The following FOCAD variants were observed in gnomAD, a reference collection of about 807,000 sequenced individuals.
FOCAD encodes KIAA1797.
In FOCAD, 198 loss-of-function variants were observed where a neutral mutation model predicts 225.6. That is an observed-to-expected ratio of 0.88 (90% CI 0.78 to 0.99). The LOEUF is 0.99. Ranked by LOEUF, FOCAD falls within the 50% of genes least tolerant of loss-of-function variation. FOCAD has a pLI of 0.00. For synonymous variants in FOCAD, 897 were observed against 755.0 expected (o/e 1.19, Z -3.08); for missense variants, 2,713 against 2,123.6 (o/e 1.28, Z -5.46).
intron 4 of FOCAD, among the ~76,000 whole-genome samples, chr9:20,731,704 C>G (rs7028481): frequency 0.69 from 104,199 of 151,894 alleles, 36,157 homozygotes; most frequent in Non-Finnish European, 0.74. Flanking sequence ...CACAACCTCT[C>G]CCTCCCGGGT....
intron 15 of FOCAD, among the ~76,000 whole-genome samples, chr9:20,839,942 G>A (rs1826352199): frequency 6.6e-6 from 1 of 151,966 alleles, no homozygotes; most frequent in Non-Finnish European, 1.5e-5. Flanking sequence ...TATGTTCTTG[G>A]CATCTTTGTC....
intron 24 of FOCAD, among the ~76,000 whole-genome samples, chr9:20,920,719 A>G (rs546891921): frequency 8.3e-4 from 127 of 152,122 alleles, no homozygotes; most frequent in African/African-American, 2.9e-3. Flanking sequence ...AAGGTCAAAA[A>G]ACTGAACACC....
At chr9:20,777,611 G>A (rs532882855) in intron 8 of FOCAD, among the ~76,000 whole-genome samples, 59 of 151,902 alleles carry the variant, frequency 3.9e-4, no homozygotes, top group African/African-American at 1.3e-3. Context: ...ACGGTAATTC[G>A]AAAATAATCT....
chr9:20,957,940 C>T (rs1273855054), intron 35 of FOCAD, among the ~76,000 whole-genome samples: 1 of 151,950 alleles, frequency 6.6e-6, no homozygotes, highest in African/African-American at 2.4e-5. Flanking sequence ...CCTCGTTGCC[C>T]TTCAAAAAGC....
At chr9:20,809,396 G>A (rs991549786) in intron 11 of FOCAD, among the ~76,000 whole-genome samples, 2 of 151,956 alleles carry the variant, frequency 1.3e-5, no homozygotes, top group East Asian at 1.9e-4. Context: ...AGTTTTAATC[G>A]TATTTAATTT....
At chr9:20,680,500 A>G (rs565177268), upstream of FOCAD, among the ~76,000 whole-genome samples, 2 of 152,144 alleles carry the variant, frequency 1.3e-5, no homozygotes, top group Non-Finnish European at 2.9e-5. Flanking sequence ...GGAGGTTGCA[A>G]GCTGAGATTG....
intron 8 of FOCAD, 92 bp downstream of exon 8, chr9:20,770,330 T>C: frequency 2.5e-6 from 3 of 1,204,942 alleles, no homozygotes; most frequent in Non-Finnish European, 2.4e-6. Context: ...TTTAATTGGC[T>C]TACAGTCTGG....
Position 20,752,807 on chromosome 9 carries a change from C to G in FOCAD, c.393-5283C>G, listed in dbSNP as rs546061261. Among the ~76,000 whole-genome samples the G allele has an allele frequency of 4.1e-4, 62 of 152,132 alleles. 1 individual carries two copies. Among genetic ancestry groups the G allele is most frequent in the African/African-American group, 1.4e-3 (60 of 41,514 alleles). ...TACCCATGAGCATGGAAAGTTCTTC[C>G]ATTTGTTTGTATCCTCTTTTATTTC... On this transcript the variant is annotated intron_variant, in intron 5 of 43. Coordinates refer to ENST00000338382, the MANE Select transcript of FOCAD (RefSeq NM_001375567.1).
chr9:20,971,272 C>A (rs574338711), intron 35 of FOCAD, among the ~76,000 whole-genome samples: 1 of 152,158 alleles, frequency 6.6e-6, no homozygotes, highest in Non-Finnish European at 1.5e-5. Context: ...CACACCTACT[C>A]TGTAACCACA....
upstream of FOCAD, among the ~76,000 whole-genome samples, chr9:20,679,710 A>G (rs1822343159): frequency 6.6e-6 from 1 of 152,324 alleles, no homozygotes; most frequent in South Asian, 2.1e-4. Context: ...TTGAACAGAA[A>G]TACTATCTGC....
chr9:20,846,508 T>C (rs567851249), intron 15 of FOCAD, among the ~76,000 whole-genome samples: 8 of 152,228 alleles, frequency 5.3e-5, no homozygotes, highest in African/African-American at 1.9e-4. Flanking sequence ...AAATGACAGC[T>C]TTTAAAATCT....
chr9:20,910,988 T>C (rs1200031647), intron 22 of FOCAD, among the ~76,000 whole-genome samples: 1 of 152,148 alleles, frequency 6.6e-6, no homozygotes. Flanking sequence ...AGTTTTCTTG[T>C]GTTTTGTTTA....
chr9:20,932,564 C>A (rs1300430365), intron 27 of FOCAD, among the ~76,000 whole-genome samples: 1 of 152,102 alleles, frequency 6.6e-6, no homozygotes, highest in Non-Finnish European at 1.5e-5. Context: ...GAATTTATAA[C>A]CTCCACAACT....
At chr9:20,802,423 CT>C (rs1821946573) in intron 11 of FOCAD, among the ~76,000 whole-genome samples, 1 of 151,970 alleles carries the variant, frequency 6.6e-6, no homozygotes, top group Non-Finnish European at 1.5e-5. Flanking sequence ...TGAATGTAAG[CT>C]GTCTTCAAAG....
intron 5 of FOCAD, among the ~76,000 whole-genome samples, chr9:20,747,978 A>T (rs1473439512): frequency 6.6e-6 from 1 of 151,918 alleles, no homozygotes; most frequent in Admixed American, 6.6e-5. Context: ...GATGTTGCTC[A>T]TCCTCTAACT....
At chr9:20,679,915 C>A (rs1205155583), upstream of FOCAD, among the ~76,000 whole-genome samples, 1 of 152,168 alleles carries the variant, frequency 6.6e-6, no homozygotes, top group East Asian at 1.9e-4. Context: ...TCTCTTGTAA[C>A]CCCTATGAAG....
At chr9:20,780,663 T>C (rs550972794) in intron 9 of FOCAD, among the ~76,000 whole-genome samples, 1 of 152,174 alleles carries the variant, frequency 6.6e-6, no homozygotes, top group Non-Finnish European at 1.5e-5. Context: ...TATTACACTA[T>C]GTAGTTGTTA....
At position 20,789,575 on chromosome 9, in the gene FOCAD, C is replaced by T. The variant is rs149404888; in HGVS notation, c.1422C>T (p.Val474=). The T allele has an allele frequency of 6.4e-5, 104 of 1,613,834 alleles. No individual in the cohort carries two copies. Among genetic ancestry groups the T allele is most frequent in the Non-Finnish European group, 8.2e-5 (97 of 1,179,980 alleles). Residue 474 remains valine (V), a synonymous_variant, in exon 11 of 44, where the codon GTC becomes GTT. Transcript: ENST00000338382. ...KGQNLHQILK[V]TTELAQADSS... is the part of the protein sequence containing the mutation. ...AAAATCTTCACCAAATACTCAAGGT[C>T]ACTACAGAATTAGCCCAAGCAGATT...
chr9:20,697,573 C>T (rs1355491908), intron 1 of FOCAD, among the ~76,000 whole-genome samples: 1 of 152,244 alleles, frequency 6.6e-6, no homozygotes, highest in Non-Finnish European at 1.5e-5. Flanking sequence ...TTGGACTGCA[C>T]ATTACTTCCT....
Sources: allele counts gnomAD v4.1 joint callset (sites outside exome capture counted in the v4.1 genomes callset), GRCh38; gene constraint gnomAD v4.1.1; transcripts MANE v1.5; gene names NCBI Gene and HGNC (gene_info 2026-07-23, HGNC 2026-07-21).